The following PNP variants were observed in gnomAD, a reference collection of about 807,000 sequenced individuals.
PNP encodes HEL-S-156an.
Under a neutral mutation model 26.8 loss-of-function variants are expected in PNP, and 18 were observed. The observed-to-expected ratio is 0.67, with a 90% confidence interval of 0.46 to 1.00. The LOEUF (loss-of-function observed/expected upper bound fraction) is 1.00, where lower values mean the gene tolerates loss of function less well. Ranked by LOEUF, PNP falls within the 50% of genes least tolerant of loss-of-function variation. The probability of loss-of-function intolerance (pLI) is 0.00; values close to 1 mark genes in which losing one functional copy is unlikely to be tolerated. For missense variants in PNP, 320 were observed against 362.9 expected (o/e 0.88, Z 0.96); for synonymous variants, 116 against 124.8 (o/e 0.93, Z 0.47).
At chr14:20,471,633 G>A (rs1337297994) in intron 1 of PNP, among the ~76,000 whole-genome samples, 1 of 152,136 alleles carries the variant, frequency 6.6e-6, no homozygotes, top group African/African-American at 2.4e-5. Context: ...GCTAAGAATG[G>A]CACGTAGACC....
chr14:20,471,062 G>T (rs973006266), intron 1 of PNP, among the ~76,000 whole-genome samples: 3 of 151,594 alleles, frequency 2.0e-5, no homozygotes, highest in Non-Finnish European at 2.9e-5. Context: ...TCGGAGTCTC[G>T]CTCTGTCTCC....
chr14:20,475,339 T>C (rs748096490), intron 5 of PNP, 87 bp downstream of exon 5: 12 of 1,134,320 alleles, frequency 1.1e-5, no homozygotes, highest in East Asian at 9.5e-5. Context: ...ACAGGCCTCA[T>C]TGGACTGAGA....
At chr14:20,475,519 G>A (rs1306885311) in intron 5 of PNP, among the ~76,000 whole-genome samples, 2 of 152,132 alleles carry the variant, frequency 1.3e-5, no homozygotes, top group East Asian at 1.9e-4. Flanking sequence ...GAATGTCGCT[G>A]TGTTGCCCAG....
chr14:20,476,301 T>C, intron 5 of PNP, 83 bp from the exon 6 acceptor site: 1 of 1,130,150 alleles, frequency 8.8e-7, no homozygotes, highest in Non-Finnish European at 1.4e-6. Flanking sequence ...GATTTTTAAT[T>C]CTTGTTGAAA....
chr14:20,469,413 C>A lies in PNP; in HGVS notation c.-112C>A. The A allele has an allele frequency of 1.4e-6, 2 of 1,434,644 alleles. No homozygotes were observed. Among genetic ancestry groups the A allele is most frequent in the Non-Finnish European group, 1.9e-6 (2 of 1,042,038 alleles). The allele number at this position is 1,434,644 out of a possible 1,614,324, so 88.9% of individuals were successfully genotyped here. ...AGCCTAGACCAGTGAGCCAACTGTG[C>A]GAACCAGACCCGGCAGCCTTGCTCA... On this transcript the variant is annotated 5_prime_UTR_variant, in exon 1 of 6. Coordinates refer to ENST00000361505, the MANE Select transcript of PNP (RefSeq NM_000270.4).
chr14:20,475,283 A>G, intron 5 of PNP, 31 bp downstream of exon 5: 2 of 1,601,410 alleles, frequency 1.2e-6, no homozygotes, highest in Non-Finnish European at 1.7e-6. Flanking sequence ...GGAAGCTTGA[A>G]GAGGGAGGGG....
chr14:20,476,361 G>A (rs2139339705), intron 5 of PNP, 23 bp from the exon 6 acceptor site: 1 of 1,569,234 alleles, frequency 6.4e-7, no homozygotes, highest in East Asian at 2.2e-5. Flanking sequence ...CTGACAGTTG[G>A]TTTCCATCTT....
At chr14:20,470,200 C>T (rs1881958834) in intron 1 of PNP, among the ~76,000 whole-genome samples, 1 of 152,206 alleles carries the variant, frequency 6.6e-6, no homozygotes, top group Non-Finnish European at 1.5e-5. Context: ...AAGTGACCTG[C>T]ATTAGGCATC....
At chr14:20,474,131 T>C (rs534061059) in intron 2 of PNP, 1 of 322,368 alleles carries the variant, frequency 3.1e-6, no homozygotes, top group African/African-American at 2.2e-5. Flanking sequence ...TAATCTTCCA[T>C]TTCTGAGTAT....
At position 20,476,710 on chromosome 14, in the gene PNP, GA is replaced by G; in HGVS notation, c.*113del. The G allele has an allele frequency of 1.2e-6, 1 of 858,658 alleles. No homozygotes were observed. Among genetic ancestry groups the G allele is most frequent in the Non-Finnish European group, 1.9e-6 (1 of 516,646 alleles). 53.2% of individuals were successfully genotyped at this position (858,658 alleles called of 1,614,324 possible). On this transcript the variant is annotated 3_prime_UTR_variant, in exon 6 of 6. Coordinates refer to ENST00000361505, the MANE Select transcript of PNP (RefSeq NM_000270.4). The stretch of plus-strand genomic sequence containing the variant: ...TCTGTCCTTAGGTTGTAGCAGAAAG[GA>G]AAAGATTCCTGTCCTTCACCTTTCC...
intron 5 of PNP, 107 bp from the exon 6 acceptor site, chr14:20,476,277 T>C: frequency 2.1e-6 from 2 of 942,470 alleles, no homozygotes; most frequent in Non-Finnish European, 3.5e-6. Flanking sequence ...CGGCCATCTT[T>C]GGATGTTTTT....
chr14:20,474,489 C>T lies in PNP; in HGVS notation c.199C>T (p.Arg67Ter), dbSNP rs754734713. 4 of 1,614,050 alleles carry T rather than the reference C, an allele frequency of 2.5e-6. No individual in the cohort carries two copies. Among genetic ancestry groups the T allele is most frequent in the Admixed American group, 1.7e-5 (1 of 60,012 alleles). ...PRSTVPGHAG[R>*]LVFGFLNGRA... ...GTATACAGTGCCAGGTCATGCTGGC[C>T]GACTGGTGTTTGGGTTCCTGAATGG... The change falls in exon 3 of 6, where the codon CGA becomes TGA. Residue 67 changes from arginine (R) to a stop codon, truncating the protein, a stop_gained. Coordinates refer to ENST00000361505, the MANE Select transcript of PNP (RefSeq NM_000270.4). LOFTEE classifies it high-confidence loss of function.
At chr14:20,469,898 C>T (rs1881950315) in intron 1 of PNP, 2 of 451,970 alleles carry the variant, frequency 4.4e-6, no homozygotes, top group East Asian at 3.9e-5. Context: ...AGGAGGTCTC[C>T]TCACCCCCTG....
chr14:20,473,017 C>A (rs1882021031), intron 2 of PNP: 2 of 158,588 alleles, frequency 1.3e-5, no homozygotes, highest in Admixed American at 1.2e-4. Flanking sequence ...GCTCCACTGG[C>A]CACTCCTACC....
rs1257213911 is a variant in PNP, at chr14:20,472,901, A to T, written c.181+424A>T. The T allele has an allele frequency of 1.3e-5, 3 of 237,672 alleles. No individual in the cohort carries two copies. The East Asian group carries it at 3.3e-4, about 26-fold the overall frequency. 14.7% of individuals were successfully genotyped at this position (237,672 alleles called of 1,614,324 possible). On this transcript the variant is annotated intron_variant, in intron 2 of 5. Transcript: ENST00000361505. ...AAAGACCTTTAATAGCTATTTTTTT[A>T]AACTCTTTAACACAAGACTGGAAGA...
rs1460746671 is a variant in PNP at position 20,476,767 on chromosome 14, A to C, written c.*166A>C. 1.5e-6 allele frequency: 1 copy of C among 683,144 alleles called. No homozygotes were observed. The highest frequency in any genetic ancestry group is 2.7e-6 in the Non-Finnish European group (1 of 377,020). 42.3% of individuals were successfully genotyped at this position (683,144 alleles called of 1,614,324 possible). A position where few individuals can be genotyped will look rare whatever the true frequency, so the allele number is the denominator to read the frequency against. Reference sequence around the variant, plus strand: ...TCTTCTACCAGACCCTTCTGGTGCCAGATCCTCTTCTCAAAGCTGGGATTA... The same window carrying C: ...TCTTCTACCAGACCCTTCTGGTGCCCGATCCTCTTCTCAAAGCTGGGATTA... On this transcript the variant is annotated 3_prime_UTR_variant, in exon 6 of 6. Coordinates refer to ENST00000361505, the MANE Select transcript of PNP (RefSeq NM_000270.4).
chr14:20,473,400 T>G (rs967612589), intron 2 of PNP: 1 of 152,248 alleles, frequency 6.6e-6, no homozygotes, highest in Admixed American at 6.5e-5. Flanking sequence ...TGCGTTCAAA[T>G]TCTTTCCCCC....
At chr14:20,472,731 G>A in intron 2 of PNP, 1 of 546,652 alleles carries the variant, frequency 1.8e-6, no homozygotes, top group Non-Finnish European at 3.3e-6. Context: ...GGTGACAGGG[G>A]CCAAGTAAAG....
In PNP at chr14:20,476,967, C is replaced by G; in HGVS notation, c.*366C>G. The G allele has an allele frequency of 2.8e-6, 1 of 352,326 alleles. No individual in the cohort carries two copies. Among genetic ancestry groups the G allele is most frequent in the Non-Finnish European group, 5.5e-6 (1 of 181,680 alleles). 21.8% of individuals were successfully genotyped at this position (352,326 alleles called of 1,614,324 possible). A position where few individuals can be genotyped will look rare whatever the true frequency, so the allele number is the denominator to read the frequency against. On this transcript the variant is annotated 3_prime_UTR_variant, in exon 6 of 6. Transcript: ENST00000361505. ...CTGCTACTAGCTCTTTGAGATAATA[C>G]ATTCCGAGGGGCTCAGTTCTGCCTT...
Sources: gnomAD v4.1 joint callset for allele counts (sites outside exome capture counted in the v4.1 genomes callset) on GRCh38, gnomAD v4.1.1 for gene constraint, MANE v1.5 for transcripts, NCBI Gene and HGNC (gene_info 2026-07-23, HGNC 2026-07-21) for gene names.